Variants in STX8 observed in about 807,000 individuals in gnomAD.
STX8 encodes the protein syntaxin-8.
A neutral mutation model predicts 37.5 loss-of-function variants in STX8; 23 were observed. The observed-to-expected ratio is 0.61, with a 90% confidence interval of 0.44 to 0.87. The LOEUF (loss-of-function observed/expected upper bound fraction) is 0.87, where lower values mean the gene tolerates loss of function less well. Ranked by LOEUF, STX8 falls within the 40% of genes least tolerant of loss-of-function variation. STX8 has a pLI of 0.00. For synonymous variants in STX8, 115 were observed against 99.1 expected (o/e 1.16, Z -0.95); for missense variants, 313 against 284.7 (o/e 1.10, Z -0.71).
chr17:9,493,097 C>CAA (rs34911369), intron 5 of STX8, among the ~76,000 whole-genome samples: 108 of 111,024 alleles, frequency 9.7e-4, no homozygotes, highest in African/African-American at 2.8e-3. Flanking sequence ...GACTCCGTCT[C>CAA]AAAAAAAAAA....
At chr17:9,451,867 G>C (rs1372839814) in intron 6 of STX8, among the ~76,000 whole-genome samples, 1 of 152,096 alleles carries the variant, frequency 6.6e-6, no homozygotes, top group Non-Finnish European at 1.5e-5. Flanking sequence ...TAGAAAATTT[G>C]AGTTTGATAT....
chr17:9,252,709 C>G (rs1906634865), intron 7 of STX8, among the ~76,000 whole-genome samples: 1 of 151,622 alleles, frequency 6.6e-6, no homozygotes, highest in Non-Finnish European at 1.5e-5. Context: ...GATATGGGCT[C>G]TTTCTCTGAT....
At chr17:9,546,591 G>GTTTGTTTTT (rs1906529737) in intron 3 of STX8, among the ~76,000 whole-genome samples, 2 of 52,214 alleles carry the variant, frequency 3.8e-5, no homozygotes, top group African/African-American at 1.6e-4. Context: ...TACAAAAGTG[G>GTTTGTTTTT]TTTTTTTTTT....
intron 7 of STX8, among the ~76,000 whole-genome samples, chr17:9,362,589 T>C (rs1447398029): frequency 3.9e-5 from 6 of 151,906 alleles, no homozygotes; most frequent in Admixed American, 1.3e-4. Flanking sequence ...GAGGCCGAGG[T>C]GGGCGTATCA....
intron 7 of STX8, among the ~76,000 whole-genome samples, chr17:9,367,981 C>T (rs868117448): frequency 6.6e-6 from 1 of 151,954 alleles, no homozygotes; most frequent in Middle Eastern, 3.4e-3. Flanking sequence ...ATCCACCTGC[C>T]TCAGCTTCCC....
chr17:9,416,602 C>T lies in STX8; in HGVS notation c.542-37949G>A, dbSNP rs539641384. Reference sequence around the variant, plus strand: ...CAGGCTGGCCTTGAACTCCTGACCTCGTGATCTGCCCACCTTGGCCTCCCA... The same window carrying T: ...CAGGCTGGCCTTGAACTCCTGACCTTGTGATCTGCCCACCTTGGCCTCCCA... On this transcript the variant is annotated intron_variant, in intron 6 of 7. Transcript: ENST00000306357. 3.3e-5 allele frequency among the ~76,000 whole-genome samples: 5 copies of T among 151,592 alleles called. No homozygotes were observed. In the East Asian group the frequency reaches 5.8e-4, roughly 18 times the overall value.
chr17:9,345,311 G>A (rs944193273), intron 7 of STX8, among the ~76,000 whole-genome samples: 8 of 151,942 alleles, frequency 5.3e-5, no homozygotes, highest in South Asian at 2.1e-4. Context: ...CACCACACCC[G>A]GCTAATTTTT....
chr17:9,465,679 C>T (rs549660938), intron 6 of STX8, among the ~76,000 whole-genome samples: 4 of 152,182 alleles, frequency 2.6e-5, no homozygotes, highest in Non-Finnish European at 5.9e-5. Flanking sequence ...AAAAACTGAA[C>T]AGCGCTATGC....
intron 7 of STX8, among the ~76,000 whole-genome samples, chr17:9,349,021 T>C (rs1910617475): frequency 6.6e-6 from 1 of 152,206 alleles, no homozygotes; most frequent in Admixed American, 6.5e-5. Context: ...GATGGAGTTT[T>C]GCTCTTGTTG....
chr17:9,476,564 T>C (rs1906113128), intron 6 of STX8, among the ~76,000 whole-genome samples: 1 of 151,784 alleles, frequency 6.6e-6, no homozygotes, highest in African/African-American at 2.4e-5. Flanking sequence ...GCTATTCTCC[T>C]GGCTCAGCCT....
At chr17:9,344,473 C>T (rs777565147) in intron 7 of STX8, among the ~76,000 whole-genome samples, 2 of 152,112 alleles carry the variant, frequency 1.3e-5, no homozygotes, top group Non-Finnish European at 2.9e-5. Context: ...GTTGGTCAGG[C>T]TGGTCTCAAA....
intron 2 of STX8, among the ~76,000 whole-genome samples, chr17:9,559,760 A>ATATATATATATTTTTTTTT: frequency 2.0e-4 from 5 of 24,494 alleles, no homozygotes; most frequent in Admixed American, 1.9e-3. Context: ...ATATATATAT[A>ATATATATATATTTTTTTTT]TTTTTTTTTT....
At chr17:9,272,006 C>T (rs1402930095) in intron 7 of STX8, among the ~76,000 whole-genome samples, 1 of 152,154 alleles carries the variant, frequency 6.6e-6, no homozygotes, top group Non-Finnish European at 1.5e-5. Context: ...AGTGACTGTC[C>T]CTGCTGATGA....
intron 4 of STX8, among the ~76,000 whole-genome samples, chr17:9,535,423 A>ATTTTTTTTTT (rs1597728764): frequency 9.7e-5 from 4 of 41,114 alleles, no homozygotes; most frequent in Admixed American, 3.4e-4. Context: ...CAGCCATCCT[A>ATTTTTTTTTT]CTTTTTTTTT....
At chr17:9,561,514 C>T (rs1315823170) in intron 2 of STX8, among the ~76,000 whole-genome samples, 1 of 151,780 alleles carries the variant, frequency 6.6e-6, no homozygotes, top group East Asian at 1.9e-4. Flanking sequence ...CAATAATTAG[C>T]CAGGCGTGGT....
intron 6 of STX8, among the ~76,000 whole-genome samples, chr17:9,390,678 A>G (rs1023651745): frequency 3.3e-5 from 5 of 149,594 alleles, no homozygotes; most frequent in Admixed American, 6.7e-5. Flanking sequence ...ATACAAAAAA[A>G]AAAAAAAAAT....
intron 6 of STX8, among the ~76,000 whole-genome samples, chr17:9,408,319 C>G (rs1912867462): frequency 6.6e-6 from 1 of 152,072 alleles, no homozygotes; most frequent in African/African-American, 2.4e-5. Flanking sequence ...AAGGATGTCT[C>G]AATCTTTATC....
intron 6 of STX8, among the ~76,000 whole-genome samples, chr17:9,447,515 C>A (rs368215065): frequency 6.6e-6 from 1 of 152,140 alleles, no homozygotes. Flanking sequence ...CTCGGCCTCC[C>A]GAGTTCAAGC....
chr17:9,421,837 G>A (rs907980271), intron 6 of STX8, among the ~76,000 whole-genome samples: 2 of 152,072 alleles, frequency 1.3e-5, no homozygotes, highest in African/African-American at 4.8e-5. Context: ...GGGGCCTGTT[G>A]GGAGGTGACT....
Sources: gnomAD v4.1 joint callset for allele counts (sites outside exome capture counted in the v4.1 genomes callset) on GRCh38, gnomAD v4.1.1 for gene constraint, MANE v1.5 for transcripts, NCBI Gene and HGNC (gene_info 2026-07-23, HGNC 2026-07-21) for gene names.